SLC13A3: variants seen among roughly 807,000 people sequenced by gnomAD.
SLC13A3 encodes solute carrier family 13 member 3, also known as Na(+)/dicarboxylate cotransporter 3.
A neutral mutation model predicts 59.0 loss-of-function variants in SLC13A3; 40 were observed. That is an observed-to-expected ratio of 0.68 (90% CI 0.53 to 0.88). The LOEUF (loss-of-function observed/expected upper bound fraction) is 0.88, where lower values mean the gene tolerates loss of function less well. SLC13A3 is among the 40% of genes least tolerant of loss of function. The pLI, the probability that SLC13A3 is intolerant of heterozygous loss-of-function variation, is 0.00. For missense variants in SLC13A3, 699 were observed against 783.2 expected (o/e 0.89, Z 1.28); for synonymous variants, 317 against 330.3 (o/e 0.96, Z 0.44).
Position 46,585,450 on chromosome 20 carries a change from T to A in SLC13A3, c.1122-1781A>T, listed in dbSNP as rs529087471. 58 of 997,008 alleles carry A rather than the reference T, an allele frequency of 5.8e-5. No individual in the cohort carries two copies. The African/African-American group carries it at 8.9e-4, about 15-fold the overall frequency. The allele number at this position is 997,008 out of a possible 1,614,324, so 61.8% of individuals were successfully genotyped here. A position where few individuals can be genotyped will look rare whatever the true frequency, so the allele number is the denominator to read the frequency against. On this transcript the variant is annotated intron_variant, in intron 8 of 12. Coordinates refer to ENST00000279027, the MANE Select transcript of SLC13A3 (RefSeq NM_022829.6). ...GCGGATTACAAATAATATGTTGACG[T>A]GATCACATTTCTGTTAAAAAAATCT...
upstream of SLC13A3, among the ~76,000 whole-genome samples, chr20:46,652,547 A>ATTTTTTTTTTTTTTT (rs11471373): frequency 3.4e-5 from 4 of 117,792 alleles, no homozygotes; most frequent in African/African-American, 1.2e-4. Context: ...TATCTGGCTA[A>ATTTTTTTTTTTTTTT]TTTTTTTTTT....
Position 46,679,609 on chromosome 20 carries a change from G to A in SLC13A3, c.-31+4787C>T, listed in dbSNP as rs185277933. On this transcript the variant is annotated intron_variant, in intron 1 of 6. Transcript: ENST00000372121. ...AGCCTGGGCGACAGAGCGAGACTCC[G>A]TCTCAAAAAAAAAAAGGGGGTGGGG... 7.2e-3 allele frequency among the ~76,000 whole-genome samples: 1,063 copies of A among 147,662 alleles called. 10 individuals are homozygous for A. The highest frequency in any genetic ancestry group is 0.026 in the African/African-American group (1,028 of 40,018).
intron 1 of SLC13A3, among the ~76,000 whole-genome samples, chr20:46,621,440 A>G (rs2122776275): frequency 6.6e-6 from 1 of 152,344 alleles, no homozygotes; most frequent in South Asian, 2.1e-4. Flanking sequence ...TTAGTTTCTT[A>G]AGGATGGATT....
At chr20:46,561,936 C>T (rs1237030413) in intron 12 of SLC13A3, among the ~76,000 whole-genome samples, 1 of 152,198 alleles carries the variant, frequency 6.6e-6, no homozygotes, top group Non-Finnish European at 1.5e-5. Context: ...AGCGAACCTG[C>T]AGGTGGGCCA....
intron 1 of SLC13A3, among the ~76,000 whole-genome samples, chr20:46,650,627 C>T (rs2062943083): frequency 6.6e-6 from 1 of 152,164 alleles, no homozygotes; most frequent in African/African-American, 2.4e-5. Flanking sequence ...TATCATTTCT[C>T]CCATTTTTAC....
At chr20:46,566,024 T>C (rs562110603) in intron 11 of SLC13A3, among the ~76,000 whole-genome samples, 3 of 152,254 alleles carry the variant, frequency 2.0e-5, no homozygotes, top group African/African-American at 7.2e-5. Context: ...TTGGGAGCAC[T>C]TTGAAAATAT....
At chr20:46,609,430 C>T (rs1019901920) in intron 3 of SLC13A3, among the ~76,000 whole-genome samples, 2 of 152,164 alleles carry the variant, frequency 1.3e-5, no homozygotes, top group African/African-American at 2.4e-5. Flanking sequence ...GTTCATAATA[C>T]GTTATCACTA....
intron 1 of SLC13A3, among the ~76,000 whole-genome samples, chr20:46,645,548 A>C (rs2062886539): frequency 6.6e-6 from 1 of 152,214 alleles, no homozygotes; most frequent in Admixed American, 6.5e-5. Flanking sequence ...GTATTTCTTG[A>C]AGCATAAAAA....
rs748354532 is a variant in SLC13A3 at position 46,613,675 on chromosome 20, C to A, written c.162G>T (p.Thr54=). 1.9e-6 allele frequency: 3 copies of A among 1,611,658 alleles called. No individual in the cohort carries two copies. The highest frequency in any genetic ancestry group is 2.2e-5 in the South Asian group (2 of 90,492). Residue 54 remains threonine, a synonymous_variant, in exon 2 of 13, where the codon ACG becomes ACT. Transcript: ENST00000279027. The stretch of plus-strand genomic sequence containing the variant: ...CCGTCACTGAGAGCGGCAGGGCCTC[C>A]GTGCACCAGTACACCGCCATGAGCA... ...VILLMAVYWC[T]EALPLSVTAL...
At chr20:46,589,008 C>A in intron 7 of SLC13A3, 152 bp downstream of exon 7, 2 of 673,594 alleles carry the variant, frequency 3.0e-6, no homozygotes, top group South Asian at 3.7e-5. Flanking sequence ...ACTGTGTAAA[C>A]CACCTCCCAT....
chr20:46,606,041 C>T (rs2062434736), intron 3 of SLC13A3, among the ~76,000 whole-genome samples: 1 of 152,196 alleles, frequency 6.6e-6, no homozygotes, highest in African/African-American at 2.4e-5. Flanking sequence ...TAATTCCACA[C>T]ATTTATTGAA....
intron 1 of SLC13A3, among the ~76,000 whole-genome samples, chr20:46,637,713 C>T (rs1010508153): frequency 5.9e-5 from 9 of 152,234 alleles, no homozygotes; most frequent in Non-Finnish European, 1.0e-4. Flanking sequence ...GAGTTAGGCC[C>T]GATCAGTATT....
At chr20:46,581,842 G>A (rs1401839077) in intron 9 of SLC13A3, among the ~76,000 whole-genome samples, 1 of 152,166 alleles carries the variant, frequency 6.6e-6, no homozygotes, top group Non-Finnish European at 1.5e-5. Context: ...TGTATACAGA[G>A]GGAATGATGA....
intron 10 of SLC13A3, among the ~76,000 whole-genome samples, chr20:46,572,367 C>A (rs1030684724): frequency 2.0e-5 from 3 of 152,200 alleles, no homozygotes; most frequent in African/African-American, 7.2e-5. Flanking sequence ...AGCTACTACA[C>A]AAAGCCCCTG....
intron 1 of SLC13A3, among the ~76,000 whole-genome samples, chr20:46,679,736 C>T (rs767228972): frequency 2.0e-5 from 3 of 151,752 alleles, no homozygotes; most frequent in Non-Finnish European, 2.9e-5. Flanking sequence ...GTGATATCCC[C>T]GTCTTCACTA....
intron 12 of SLC13A3, among the ~76,000 whole-genome samples, chr20:46,560,563 A>G (rs2061922298): frequency 6.6e-6 from 1 of 152,140 alleles, no homozygotes; most frequent in Admixed American, 6.5e-5. Context: ...TGACTTGTCC[A>G]AGGTCACCTA....
intron 1 of SLC13A3, among the ~76,000 whole-genome samples, chr20:46,635,134 C>T (rs548409688): frequency 6.6e-6 from 1 of 152,334 alleles, no homozygotes; most frequent in Non-Finnish European, 1.5e-5. Flanking sequence ...AGACCACTTG[C>T]TGTTTCTTGG....
chr20:46,614,072 G>T (rs1424396759), intron 1 of SLC13A3, among the ~76,000 whole-genome samples: 1 of 152,214 alleles, frequency 6.6e-6, no homozygotes, highest in Non-Finnish European at 1.5e-5. Context: ...CTTGATAGAG[G>T]ATCCCAGGAG....
In SLC13A3 at chr20:46,660,886, G is replaced by A. The variant is rs367657220; in HGVS notation, c.-31+9157C>T. Among the ~76,000 whole-genome samples the A allele has an allele frequency of 4.4e-4, 67 of 151,992 alleles. No individual in the cohort carries two copies. In the South Asian group the frequency reaches 0.013, roughly 30 times the overall value. On this transcript the variant is annotated intron_variant, in intron 1 of 12. Coordinates refer to the SLC13A3 transcript ENST00000290317. ...GCATTTTCTATTACCTGTCTTTAGT[G>A]ATTCCTGTCTTTGTTGTGCCCAGTC...
Sources: allele counts gnomAD v4.1 joint callset (sites outside exome capture counted in the v4.1 genomes callset), GRCh38; gene constraint gnomAD v4.1.1; transcripts MANE v1.5; gene names NCBI Gene and HGNC (gene_info 2026-07-23, HGNC 2026-07-21).